The following EML6 variants were observed in gnomAD, a reference collection of about 807,000 sequenced individuals.
EML6 encodes the protein EMAP like 6.
EML6 carries 154 observed loss-of-function variants against 240.1 expected under a neutral mutation model. That is an observed-to-expected ratio of 0.64 (90% CI 0.56 to 0.73). EML6 has a LOEUF of 0.73. Ranked by LOEUF, EML6 falls within the 30% of genes least tolerant of loss-of-function variation. The probability of loss-of-function intolerance (pLI) is 0.00; values close to 1 mark genes in which losing one functional copy is unlikely to be tolerated. For missense variants in EML6, 2,964 were observed against 2,474.6 expected (o/e 1.20, Z -4.20); for synonymous variants, 1,148 against 899.0 (o/e 1.28, Z -4.95).
intron 32 of EML6, among the ~76,000 whole-genome samples, chr2:54,956,510 T>G (rs1195156288): frequency 6.6e-6 from 1 of 152,226 alleles, no homozygotes; most frequent in African/African-American, 2.4e-5. Context: ...TTACTTTGTT[T>G]ATGGTATCCT....
At chr2:54,947,074 C>T (rs1186726458) in intron 28 of EML6, among the ~76,000 whole-genome samples, 1 of 152,026 alleles carries the variant, frequency 6.6e-6, no homozygotes, top group Non-Finnish European at 1.5e-5. Context: ...TGAAATCGAG[C>T]CCTGTGTTTA....
At chr2:54,869,973 A>T (rs962476976) in intron 15 of EML6, among the ~76,000 whole-genome samples, 3 of 152,178 alleles carry the variant, frequency 2.0e-5, no homozygotes, top group African/African-American at 7.2e-5. Context: ...ACACAGATGT[A>T]TTACCTTGCT....
At chr2:54,859,767 A>T in intron 12 of EML6, 66 bp downstream of exon 12, 1 of 1,349,460 alleles carries the variant, frequency 7.4e-7, no homozygotes, top group Non-Finnish European at 9.9e-7. Flanking sequence ...GAATGGTCTA[A>T]CATGTATTCT....
At chr2:54,818,307 A>T (rs1026264477) in intron 4 of EML6, among the ~76,000 whole-genome samples, 1 of 152,074 alleles carries the variant, frequency 6.6e-6, no homozygotes, top group Non-Finnish European at 1.5e-5. Flanking sequence ...GCTGCCCTCC[A>T]TATGGTAAGT....
intron 11 of EML6, among the ~76,000 whole-genome samples, chr2:54,854,980 T>A (rs540870360): frequency 1.3e-5 from 2 of 152,226 alleles, no homozygotes; most frequent in Non-Finnish European, 2.9e-5. Flanking sequence ...TGGTCTCTAG[T>A]GTCAGAACTT....
chr2:54,967,666 G>C (rs1676808103), intron 39 of EML6, among the ~76,000 whole-genome samples: 1 of 151,994 alleles, frequency 6.6e-6, no homozygotes, highest in African/African-American at 2.4e-5. Flanking sequence ...CAAATGTACA[G>C]AGGGGAAGGG....
intron 8 of EML6, among the ~76,000 whole-genome samples, chr2:54,845,305 T>A (rs938285512): frequency 5.3e-5 from 8 of 152,220 alleles, no homozygotes; most frequent in Admixed American, 5.2e-4. Flanking sequence ...TCCTTTTTTG[T>A]TTTTGTCTTT....
At chr2:54,962,214 T>G (rs1313947115) in intron 35 of EML6, among the ~76,000 whole-genome samples, 1 of 151,208 alleles carries the variant, frequency 6.6e-6, no homozygotes, top group African/African-American at 2.4e-5. Context: ...CTAATAATAG[T>G]GGTGTTTTAA....
At chr2:54,835,088 A>G (rs911717807) in intron 7 of EML6, among the ~76,000 whole-genome samples, 2 of 152,178 alleles carry the variant, frequency 1.3e-5, no homozygotes, top group African/African-American at 2.4e-5. Context: ...TAGAATCTGC[A>G]TGACTACTTC....
At chr2:54,847,039 C>T (rs577982170) in intron 8 of EML6, among the ~76,000 whole-genome samples, 2 of 151,348 alleles carry the variant, frequency 1.3e-5, no homozygotes, top group East Asian at 3.9e-4. Flanking sequence ...CCCCAAGTAG[C>T]TGGGGCTACA....
chr2:54,899,780 A>G lies in EML6; in HGVS notation c.3122A>G (p.Lys1041Arg). 6.4e-7 allele frequency: 1 copy of G among 1,550,824 alleles called. No homozygotes were observed. The highest frequency in any genetic ancestry group is 8.7e-7 in the Non-Finnish European group (1 of 1,146,558). The change falls in exon 22 of 42, where the codon AAA (lysine) becomes AGA (arginine). Residue 1041 changes from lysine (K) to arginine (R), a missense_variant and splice_region_variant. Transcript: ENST00000356458. ...ATGCTGGCAGTACGGAAACTCAAAA[A>G]AGGTACATAACACCACCTTACACAT... ...HRMLAVRKLKKGGRCCAFSPD... is the reference protein window; with the variant it reads ...HRMLAVRKLKRGGRCCAFSPD...
At position 54,793,590 on chromosome 2, in the gene EML6, G is replaced by C. The variant is rs571427180; in HGVS notation, c.198-19642G>C. 8.5e-5 allele frequency among the ~76,000 whole-genome samples: 13 copies of C among 152,254 alleles called. No individual in the cohort carries two copies. The East Asian group carries it at 2.5e-3, about 29-fold the overall frequency. ...GGCAATTGTTTCAAAGGCTGTGGAA[G>C]AGACTGCCAGTTGCCTACCAAATAT... is the stretch of plus-strand genomic sequence containing the variant. On this transcript the variant is annotated intron_variant, in intron 2 of 41. Transcript: ENST00000356458.
chr2:54,751,433 T>G (rs1038307299), intron 2 of EML6, among the ~76,000 whole-genome samples: 1 of 152,098 alleles, frequency 6.6e-6, no homozygotes, highest in Non-Finnish European at 1.5e-5. Flanking sequence ...CACAAGGAAC[T>G]TTAGTTATTT....
chr2:54,948,289 C>T (rs775431485), intron 28 of EML6, among the ~76,000 whole-genome samples: 1 of 152,128 alleles, frequency 6.6e-6, no homozygotes, highest in South Asian at 2.1e-4. Context: ...AGTCCTGAGG[C>T]GAGGGCGGAG....
In EML6 at chr2:54,869,285, C is replaced by T; in HGVS notation, c.2156C>T (p.Ser719Phe). ...VAVVYNRQQHSQRLYLGHDDD... is the reference protein window; with the variant it reads ...VAVVYNRQQHFQRLYLGHDDD... ...GTCGTGTATAATCGGCAGCAGCACT[C>T]CCAGAGGCTGTACCTGGGGCACGAT... Residue 719 changes from serine (S) to phenylalanine (F), a missense_variant, in exon 15 of 42, where the codon TCC (serine) becomes TTC (phenylalanine). Physicochemically the swap from Ser to Phe is radical, Grantham distance 155. Coordinates refer to ENST00000356458, the MANE Select transcript of EML6 (RefSeq NM_001039753.4). 6.4e-7 allele frequency: 1 copy of T among 1,551,720 alleles called. No individual in the cohort carries two copies. Among genetic ancestry groups the T allele is most frequent in the Admixed American group, 2.0e-5 (1 of 50,992 alleles).
At chr2:54,927,541 C>G (rs1027958586) in intron 26 of EML6, among the ~76,000 whole-genome samples, 5 of 152,146 alleles carry the variant, frequency 3.3e-5, no homozygotes, top group Admixed American at 3.3e-4. Flanking sequence ...GCTGTTTTTG[C>G]CAGGCTGTGG....
At chr2:54,932,223 A>G (rs1674900085) in intron 28 of EML6, among the ~76,000 whole-genome samples, 1 of 152,150 alleles carries the variant, frequency 6.6e-6, no homozygotes, top group South Asian at 2.1e-4. Flanking sequence ...TAGCCCAGTT[A>G]CTCCAGCTTT....
At chr2:54,848,189 T>C (rs1648501716) in intron 9 of EML6, among the ~76,000 whole-genome samples, 1 of 152,250 alleles carries the variant, frequency 6.6e-6, no homozygotes, top group South Asian at 2.1e-4. Flanking sequence ...ATTTCCTATT[T>C]ACTGACATCC....
intron 26 of EML6, among the ~76,000 whole-genome samples, chr2:54,925,606 T>C (rs1328178024): frequency 4.6e-5 from 7 of 152,212 alleles, no homozygotes; most frequent in Non-Finnish European, 8.8e-5. Context: ...CAAGTATCTT[T>C]ATTAATATTC....
Sources: allele counts gnomAD v4.1 joint callset (sites outside exome capture counted in the v4.1 genomes callset), GRCh38; gene constraint gnomAD v4.1.1; transcripts MANE v1.5; gene names NCBI Gene and HGNC (gene_info 2026-07-23, HGNC 2026-07-21).